Variants in NEGR1 observed in about 807,000 individuals in gnomAD.
NEGR1 encodes IgLON family member 4.
NEGR1 carries 10 observed loss-of-function variants against 40.9 expected under a neutral mutation model. The observed-to-expected ratio is 0.24, with a 90% CI of 0.15 to 0.42. The LOEUF is 0.42. Ranked by LOEUF, NEGR1 falls within the 10% of genes least tolerant of loss-of-function variation. The pLI is 1.00. For synonymous variants in NEGR1, 185 were observed against 166.8 expected (o/e 1.11, Z -0.84); for missense variants, 352 against 438.9 (o/e 0.80, Z 1.77).
At chr1:72,046,108 C>G (rs1014327117) in intron 1 of NEGR1, among the ~76,000 whole-genome samples, 5 of 151,698 alleles carry the variant, frequency 3.3e-5, no homozygotes, top group African/African-American at 7.2e-5. Flanking sequence ...AACTGTATTT[C>G]TGTTTGTAAA....
At chr1:71,920,079 A>T (rs1371636563) in intron 2 of NEGR1, among the ~76,000 whole-genome samples, 1 of 152,090 alleles carries the variant, frequency 6.6e-6, no homozygotes, top group South Asian at 2.1e-4. Flanking sequence ...TGCTCCCCAG[A>T]GTCCTCCATT....
intron 5 of NEGR1, among the ~76,000 whole-genome samples, chr1:71,607,774 A>G (rs1650117032): frequency 6.6e-6 from 1 of 151,944 alleles, no homozygotes; most frequent in Non-Finnish European, 1.5e-5. Flanking sequence ...GCTCACTGTA[A>G]TCTCCGCCTC....
intron 1 of NEGR1, among the ~76,000 whole-genome samples, chr1:72,215,058 C>A (rs1479048040): frequency 2.0e-5 from 3 of 152,038 alleles, no homozygotes; most frequent in Non-Finnish European, 4.4e-5. Context: ...AGAAATAACA[C>A]CACACATTTA....
intron 6 of NEGR1, among the ~76,000 whole-genome samples, chr1:71,448,437 A>G (rs1646598595): frequency 6.6e-6 from 1 of 152,094 alleles, no homozygotes; most frequent in Non-Finnish European, 1.5e-5. Context: ...CATCTCTACT[A>G]AAAATACAAA....
At chr1:71,921,868 G>A (rs942825785) in intron 2 of NEGR1, among the ~76,000 whole-genome samples, 1 of 151,758 alleles carries the variant, frequency 6.6e-6, no homozygotes, top group Non-Finnish European at 1.5e-5. Flanking sequence ...GGAGTCAAAG[G>A]TTATGTGCAG....
chr1:71,787,829 A>G, intron 2 of NEGR1, among the ~76,000 whole-genome samples: 1 of 152,162 alleles, frequency 6.6e-6, no homozygotes, highest in Non-Finnish European at 1.5e-5. Flanking sequence ...TTTGCCTCAC[A>G]TCTTGGCAAG....
intron 1 of NEGR1, among the ~76,000 whole-genome samples, chr1:72,275,658 TATC>T (rs1341478340): frequency 6.6e-6 from 1 of 152,108 alleles, no homozygotes; most frequent in Non-Finnish European, 1.5e-5. Context: ...AGTCTTAAAT[TATC>T]ATTTCTCCTG....
chr1:71,442,512 G>T (rs1646554969), intron 6 of NEGR1, among the ~76,000 whole-genome samples: 1 of 152,154 alleles, frequency 6.6e-6, no homozygotes, highest in Non-Finnish European at 1.5e-5. Flanking sequence ...TTCTCAGGAG[G>T]CTGAGGCAGG....
chr1:71,957,894 G>A lies in NEGR1; in HGVS notation c.177-22583C>T, dbSNP rs151289913. Among the ~76,000 whole-genome samples, 1,171 of 152,254 alleles carry A rather than the reference G, an allele frequency of 7.7e-3. 23 individuals are homozygous for A. The highest frequency in any genetic ancestry group is 0.027 in the African/African-American group (1,123 of 41,556). The stretch of plus-strand genomic sequence containing the variant: ...CCTAGAATTTTCCAATATGACCTTT[G>A]CATAGTAGGTAACTTGGTCTATTTT... On this transcript the variant is annotated intron_variant, in intron 1 of 6. Coordinates refer to ENST00000357731, the MANE Select transcript of NEGR1 (RefSeq NM_173808.3).
chr1:71,746,002 T>A (rs534047463), intron 3 of NEGR1, among the ~76,000 whole-genome samples: 1 of 152,136 alleles, frequency 6.6e-6, no homozygotes, highest in Non-Finnish European at 1.5e-5. Context: ...TTGCTGAGTT[T>A]CCCCCCTCAG....
intron 3 of NEGR1, among the ~76,000 whole-genome samples, chr1:71,705,750 GAAAAT>G (rs1653869102): frequency 7.4e-6 from 1 of 135,028 alleles, no homozygotes; most frequent in Non-Finnish European, 1.6e-5. Context: ...AGAAAGAAAA[GAAAAT>G]AAAAGAAGAG....
At chr1:72,043,229 G>A (rs966626068) in intron 1 of NEGR1, among the ~76,000 whole-genome samples, 4 of 151,686 alleles carry the variant, frequency 2.6e-5, no homozygotes, top group Admixed American at 1.3e-4. Flanking sequence ...TTCTTCTCAC[G>A]GAATTAGTAA....
In NEGR1 at chr1:71,402,046, A is replaced by G. The variant is rs1031702190; in HGVS notation, c.*5400T>C. 3 of 152,032 alleles carry G rather than the reference A, an allele frequency of 2.0e-5. No individual in the cohort carries two copies. In the East Asian group the frequency reaches 5.8e-4, roughly 29 times the overall value. 9.4% of individuals were successfully genotyped at this position (152,032 alleles called of 1,614,324 possible). A position where few individuals can be genotyped will look rare whatever the true frequency, so the allele number is the denominator to read the frequency against. ...AATATATAAATAAAAATATGCAAATAGTTGTCTATGAAGCTAGCAATGTGA... is the reference window on the plus strand; with the variant it reads ...AATATATAAATAAAAATATGCAAATGGTTGTCTATGAAGCTAGCAATGTGA... On this transcript the variant is annotated 3_prime_UTR_variant, in exon 7 of 7. Transcript: ENST00000357731.
intron 2 of NEGR1, among the ~76,000 whole-genome samples, chr1:71,838,237 G>A (rs1286594908): frequency 2.0e-5 from 3 of 152,116 alleles, no homozygotes; most frequent in Admixed American, 2.0e-4. Context: ...ATAACCCAGA[G>A]GTTAGACGCC....
chr1:71,542,558 C>T (rs1002412662), intron 6 of NEGR1, among the ~76,000 whole-genome samples: 1 of 151,592 alleles, frequency 6.6e-6, no homozygotes, highest in Non-Finnish European at 1.5e-5. Flanking sequence ...AAAATGAGGG[C>T]CCAGCAGATA....
At chr1:71,449,552 TATAATTTCGTTTTGACA>T (rs1646609396) in intron 6 of NEGR1, among the ~76,000 whole-genome samples, 1 of 152,224 alleles carries the variant, frequency 6.6e-6, no homozygotes, top group South Asian at 2.1e-4. Context: ...TAAAGATAAC[TATAATTTCGTTTTGACA>T]ATTGAATTTA....
At chr1:71,505,206 G>C (rs1025260108) in intron 6 of NEGR1, among the ~76,000 whole-genome samples, 1 of 152,138 alleles carries the variant, frequency 6.6e-6, no homozygotes, top group Non-Finnish European at 1.5e-5. Flanking sequence ...TTATAAATTG[G>C]TGCAAGATCT....
At chr1:71,895,357 T>G (rs1331793937) in intron 2 of NEGR1, among the ~76,000 whole-genome samples, 1 of 152,172 alleles carries the variant, frequency 6.6e-6, no homozygotes, top group Admixed American at 6.5e-5. Flanking sequence ...CCATTTTGTG[T>G]GCACAATTCA....
chr1:72,088,792 CTCTCTTTTTTT>C lies in NEGR1; in HGVS notation c.177-153492_177-153482del, dbSNP rs1454314969. Among the ~76,000 whole-genome samples, 155 of 124,160 alleles carry C rather than the reference CTCTCTTTTTTT, an allele frequency of 1.2e-3. 2 individuals are homozygous for C. Among genetic ancestry groups the C allele is most frequent in the Non-Finnish European group, 1.7e-3 (105 of 62,098 alleles). 81.5% of individuals were successfully genotyped at this position (124,160 alleles called of 152,430 possible). Reference sequence around the variant, plus strand: ...AACAATGTATAATGTAGTTCTCTCTCTCTCTTTTTTTTTTTTTTTTTTTTTTTTTTTGAGAC... The same window carrying C: ...AACAATGTATAATGTAGTTCTCTCTCTTTTTTTTTTTTTTTTTTTTGAGAC... On this transcript the variant is annotated intron_variant, in intron 1 of 6. Transcript: ENST00000357731.
Sources: allele counts gnomAD v4.1 joint callset (sites outside exome capture counted in the v4.1 genomes callset), GRCh38; gene constraint gnomAD v4.1.1; transcripts MANE v1.5; gene names NCBI Gene and HGNC (gene_info 2026-07-23, HGNC 2026-07-21).